NXPH2: variants seen among roughly 807,000 people sequenced by gnomAD.
The protein encoded by NXPH2 is neurexophilin-2.
Under a neutral mutation model 19.8 loss-of-function variants are expected in NXPH2, and 5 were observed. The ratio of observed to expected loss-of-function variants is 0.25; its 90% confidence interval spans 0.13 to 0.53. NXPH2 has a LOEUF of 0.53. Ranked by LOEUF, NXPH2 falls within the 20% of genes least tolerant of loss-of-function variation. The pLI is 0.96. For synonymous variants in NXPH2, 154 were observed against 127.4 expected (o/e 1.21, Z -1.41); for missense variants, 289 against 322.8 (o/e 0.90, Z 0.80).
chr2:138,719,723 A>G (rs906838140), intron 1 of NXPH2, among the ~76,000 whole-genome samples: 8 of 152,148 alleles, frequency 5.3e-5, no homozygotes. Flanking sequence ...AAAACCACAA[A>G]ACTTTGAATG....
chr2:138,718,898 GAC>G (rs1235209550), intron 1 of NXPH2, among the ~76,000 whole-genome samples: 1 of 152,046 alleles, frequency 6.6e-6, no homozygotes, highest in Non-Finnish European at 1.5e-5. Flanking sequence ...GGAGACGGGA[GAC>G]ACAGTCTCAC....
At chr2:138,695,349 C>A (rs908817627) in intron 1 of NXPH2, among the ~76,000 whole-genome samples, 1 of 152,038 alleles carries the variant, frequency 6.6e-6, no homozygotes, top group Admixed American at 6.6e-5. Flanking sequence ...GTAGGAATAG[C>A]CTTAGCAAGA....
At chr2:138,749,908 T>C (rs909691591) in intron 1 of NXPH2, among the ~76,000 whole-genome samples, 3 of 152,174 alleles carry the variant, frequency 2.0e-5, no homozygotes, top group South Asian at 2.1e-4. Context: ...AAAGGGACTG[T>C]TTTGTTTCAT....
At chr2:138,767,099 A>G (rs1343380137) in intron 1 of NXPH2, among the ~76,000 whole-genome samples, 1 of 152,222 alleles carries the variant, frequency 6.6e-6, no homozygotes, top group Non-Finnish European at 1.5e-5. Flanking sequence ...TAGTTCATCA[A>G]TATTTATTAT....
intron 1 of NXPH2, among the ~76,000 whole-genome samples, chr2:138,752,663 C>A (rs1681844121): frequency 1.3e-5 from 2 of 152,060 alleles, no homozygotes; most frequent in African/African-American, 4.8e-5. Flanking sequence ...CAGTTCTCTC[C>A]TAAGGTCCTT....
chr2:138,705,625 T>C (rs1680996635), intron 1 of NXPH2, among the ~76,000 whole-genome samples: 1 of 152,208 alleles, frequency 6.6e-6, no homozygotes, highest in Non-Finnish European at 1.5e-5. Flanking sequence ...CCTGCCTGTC[T>C]TTGAACGTGG....
At chr2:138,757,392 A>G (rs1681928680) in intron 1 of NXPH2, among the ~76,000 whole-genome samples, 1 of 152,070 alleles carries the variant, frequency 6.6e-6, no homozygotes, top group Non-Finnish European at 1.5e-5. Context: ...TAATGATTCC[A>G]CCTTCCCTTG....
intron 1 of NXPH2, among the ~76,000 whole-genome samples, chr2:138,706,894 C>T (rs913471235): frequency 1.3e-5 from 2 of 151,050 alleles, no homozygotes; most frequent in African/African-American, 4.9e-5. Flanking sequence ...CACCGTGAGA[C>T]CCTGTCTTTA....
At chr2:138,732,824 T>C (rs933258611) in intron 1 of NXPH2, among the ~76,000 whole-genome samples, 2 of 152,202 alleles carry the variant, frequency 1.3e-5, no homozygotes, top group African/African-American at 4.8e-5. Flanking sequence ...ATTCCACTTT[T>C]AGAGGTCTGC....
At chr2:138,777,912 T>C (rs1287934359) in intron 1 of NXPH2, among the ~76,000 whole-genome samples, 1 of 143,508 alleles carries the variant, frequency 7.0e-6, no homozygotes, top group Non-Finnish European at 1.5e-5. Context: ...GAAAAGTAAA[T>C]GACTAGTTTC....
chr2:138,740,868 C>G (rs1336616283), intron 1 of NXPH2, among the ~76,000 whole-genome samples: 1 of 151,742 alleles, frequency 6.6e-6, no homozygotes, highest in East Asian at 1.9e-4. Flanking sequence ...GTAAACTCTG[C>G]CACAGAAATA....
intron 1 of NXPH2, among the ~76,000 whole-genome samples, chr2:138,713,244 C>T (rs538285016): frequency 1.3e-5 from 2 of 152,274 alleles, no homozygotes; most frequent in Admixed American, 1.3e-4. Context: ...GTCTGACCTC[C>T]CTTGATTCAA....
chr2:138,733,162 T>G (rs1025945538), intron 1 of NXPH2, among the ~76,000 whole-genome samples: 2 of 152,208 alleles, frequency 1.3e-5, no homozygotes, highest in African/African-American at 4.8e-5. Context: ...CAGTCTATAA[T>G]GAAATGACCT....
chr2:138,777,544 TA>T (rs906819192), intron 1 of NXPH2, among the ~76,000 whole-genome samples: 4 of 151,780 alleles, frequency 2.6e-5, no homozygotes, highest in South Asian at 2.1e-4. Flanking sequence ...CATAAACAGG[TA>T]AAAAAATTCT....
chr2:138,756,317 G>C (rs974084476), intron 1 of NXPH2, among the ~76,000 whole-genome samples: 35 of 151,962 alleles, frequency 2.3e-4, no homozygotes, highest in African/African-American at 8.2e-4. Flanking sequence ...CTCAGAATGG[G>C]TGTTATGTGT....
intron 1 of NXPH2, among the ~76,000 whole-genome samples, chr2:138,749,800 A>G (rs1681799130): frequency 1.3e-5 from 2 of 152,198 alleles, no homozygotes; most frequent in South Asian, 4.1e-4. Flanking sequence ...TGTTCTTTGT[A>G]AGAGATAAAA....
At chr2:138,751,741 T>G (rs1681833220) in intron 1 of NXPH2, among the ~76,000 whole-genome samples, 1 of 152,188 alleles carries the variant, frequency 6.6e-6, no homozygotes. Flanking sequence ...CCTTTATGGT[T>G]AAAGTATTTA....
In NXPH2 at chr2:138,670,913, G is replaced by T; in HGVS notation, c.*9C>A. The T allele has an allele frequency of 6.2e-7, 1 of 1,607,486 alleles. No homozygotes were observed. On this transcript the variant is annotated 3_prime_UTR_variant, in exon 2 of 2. Coordinates refer to ENST00000272641, the MANE Select transcript of NXPH2 (RefSeq NM_007226.3). The stretch of plus-strand genomic sequence containing the variant: ...ATATGTATCCCTCATTTCCACCACA[G>T]CAGGAAGATCAGCCAGAAGATAAGT...
intron 1 of NXPH2, among the ~76,000 whole-genome samples, chr2:138,751,669 T>A (rs1311052398): frequency 2.0e-5 from 3 of 152,166 alleles, no homozygotes; most frequent in East Asian, 1.9e-4. Flanking sequence ...ATTTCCTTAT[T>A]TTTCTTGGCC....
Sources: allele counts gnomAD v4.1 joint callset (sites outside exome capture counted in the v4.1 genomes callset), GRCh38; gene constraint gnomAD v4.1.1; transcripts MANE v1.5; gene names NCBI Gene and HGNC (gene_info 2026-07-23, HGNC 2026-07-21).